Variants in EFHD1 observed in about 807,000 individuals in gnomAD.
EFHD1 encodes the protein EF-hand domain-containing protein D1.
A neutral mutation model predicts 17.2 loss-of-function variants in EFHD1; 10 were observed. The ratio of observed to expected loss-of-function variants is 0.58; its 90% CI spans 0.36 to 0.99. The LOEUF (loss-of-function observed/expected upper bound fraction) is 0.99. Among genes scored for constraint, EFHD1 ranks in the 50% least tolerant of loss-of-function variants. The probability of loss-of-function intolerance (pLI) is 0.01; values close to 1 mark genes in which losing one functional copy is unlikely to be tolerated. For synonymous variants in EFHD1, 153 were observed against 142.0 expected, an observed-to-expected ratio of 1.08 and a Z score of -0.55; for missense variants, 310 against 327.5, an observed-to-expected ratio of 0.95 and a Z score of 0.41.
rs551524376 is a variant in EFHD1, at chr2:232,676,524, C to T, written c.585+4081C>T. Among the ~76,000 whole-genome samples, 7 of 152,224 alleles carry T rather than the reference C, an allele frequency of 4.6e-5. No homozygotes were observed. The South Asian group carries it at 8.3e-4, about 18-fold the overall frequency. ...CAATTCTGAACCTGCCATTGGAAAACGCTGGAATATCATTATCTCAGCTGG... is the reference window on the plus strand; with the variant it reads ...CAATTCTGAACCTGCCATTGGAAAATGCTGGAATATCATTATCTCAGCTGG... On this transcript the variant is annotated intron_variant, in intron 3 of 3. Coordinates refer to ENST00000264059, the MANE Select transcript of EFHD1 (RefSeq NM_025202.4).
chr2:232,657,427 T>A (rs893206324), intron 1 of EFHD1, among the ~76,000 whole-genome samples: 18 of 152,242 alleles, frequency 1.2e-4, no homozygotes. Context: ...CATTGCTGAA[T>A]GAAATTCCAT....
At chr2:232,612,049 G>A (rs147818439) in intron 1 of EFHD1, 1 of 152,226 alleles carries the variant, frequency 6.6e-6, no homozygotes, top group East Asian at 1.9e-4. Context: ...TAGGAGTATT[G>A]TTATGTTGCC....
At chr2:232,626,914 G>T (rs2106189408) in intron 1 of EFHD1, among the ~76,000 whole-genome samples, 1 of 151,870 alleles carries the variant, frequency 6.6e-6, no homozygotes, top group Middle Eastern at 3.4e-3. Context: ...GGCCGAGCAT[G>T]ATGGCTCTTG....
chr2:232,652,893 T>G (rs1013420160), intron 1 of EFHD1, among the ~76,000 whole-genome samples: 1 of 152,144 alleles, frequency 6.6e-6, no homozygotes, highest in Non-Finnish European at 1.5e-5. Context: ...AAAGATAGGT[T>G]TCTGGTGTAT....
At chr2:232,660,311 C>T (rs1459678046) in intron 1 of EFHD1, among the ~76,000 whole-genome samples, 1 of 152,088 alleles carries the variant, frequency 6.6e-6, no homozygotes, top group Admixed American at 6.6e-5. Flanking sequence ...TCTCCTGCCT[C>T]AGCCTCCCAA....
intron 1 of EFHD1, among the ~76,000 whole-genome samples, chr2:232,639,069 A>C (rs1325056509): frequency 6.6e-6 from 1 of 152,142 alleles, no homozygotes; most frequent in Non-Finnish European, 1.5e-5. Context: ...GAGGAGCTGG[A>C]AGGAGCTTCC....
chr2:232,606,293 G>A (rs2106269259), intron 1 of EFHD1: 1 of 1,214,646 alleles, frequency 8.2e-7, no homozygotes, highest in East Asian at 2.5e-5. Context: ...GCCACCGGAG[G>A]GCACTCCCGG....
intron 1 of EFHD1, among the ~76,000 whole-genome samples, chr2:232,606,407 G>A (rs923233216): frequency 1.3e-5 from 2 of 152,156 alleles, no homozygotes; most frequent in African/African-American, 2.4e-5. Context: ...ACTCTTGAGA[G>A]ACACCCCAGC....
intron 1 of EFHD1, among the ~76,000 whole-genome samples, chr2:232,642,640 T>C (rs145483078): frequency 6.6e-6 from 1 of 152,270 alleles, no homozygotes; most frequent in Non-Finnish European, 1.5e-5. Context: ...AAAACTTATT[T>C]TTTGTTATCA....
intron 1 of EFHD1, among the ~76,000 whole-genome samples, chr2:232,655,808 T>TC (rs1371616542): frequency 0.015 from 738 of 49,218 alleles, 5 homozygotes; most frequent in African/African-American, 0.033. Context: ...GGGTCTTTTT[T>TC]TTTTTTTTTT....
chr2:232,608,738 G>GGCCAATATGGTGAAACCCC (rs1380988624), intron 1 of EFHD1, among the ~76,000 whole-genome samples: 1 of 152,064 alleles, frequency 6.6e-6, no homozygotes, highest in Non-Finnish European at 1.5e-5. Flanking sequence ...AGACCAGCCT[G>GGCCAATATGGTGAAACCCC]GCCAATATGG....
chr2:232,669,627 G>A (rs1227044317), intron 2 of EFHD1, among the ~76,000 whole-genome samples: 1 of 143,184 alleles, frequency 7.0e-6, no homozygotes, highest in African/African-American at 2.6e-5. Context: ...TTTAGACAGA[G>A]TCTTGCTCTG....
At chr2:232,659,281 T>A (rs1210538123) in intron 1 of EFHD1, among the ~76,000 whole-genome samples, 1 of 150,394 alleles carries the variant, frequency 6.6e-6, no homozygotes, top group Non-Finnish European at 1.5e-5. Context: ...ACTGTTAAAG[T>A]GAGGGCACTG....
chr2:232,606,481 G>A (rs999665655), intron 1 of EFHD1: 1 of 513,452 alleles, frequency 1.9e-6, no homozygotes, highest in Non-Finnish European at 3.6e-6. Flanking sequence ...AGTGAATGAG[G>A]AAGGTTTCTT....
At chr2:232,664,248 C>T (rs10933403) in intron 2 of EFHD1, among the ~76,000 whole-genome samples, 24,742 of 151,948 alleles carry the variant, frequency 0.16, 2,135 homozygotes, top group South Asian at 0.25. Flanking sequence ...AACCCATCCT[C>T]CCACTTCAGC....
intron 1 of EFHD1, 144 bp from the exon 2 acceptor site, chr2:232,662,658 C>A: frequency 1.9e-6 from 2 of 1,056,212 alleles, no homozygotes; most frequent in Non-Finnish European, 2.6e-6. Context: ...GAGAGGGGTT[C>A]CTCTGGAGCA....
chr2:232,646,832 C>T (rs1298137093), intron 1 of EFHD1, among the ~76,000 whole-genome samples: 1 of 152,252 alleles, frequency 6.6e-6, no homozygotes, highest in Non-Finnish European at 1.5e-5. Flanking sequence ...CTGAAAGTGG[C>T]TAACCTCTTC....
intron 1 of EFHD1, among the ~76,000 whole-genome samples, chr2:232,616,367 C>T (rs913389151): frequency 6.6e-6 from 1 of 151,986 alleles, no homozygotes; most frequent in African/African-American, 2.4e-5. Context: ...GGCACAATCT[C>T]GGCTCACGGC....
At chr2:232,630,609 A>G (rs968920200), upstream of EFHD1, among the ~76,000 whole-genome samples, 14 of 152,114 alleles carry the variant, frequency 9.2e-5, no homozygotes, top group Non-Finnish European at 2.9e-5. Flanking sequence ...AAACACTTCA[A>G]TGAAAAAGTG....
Sources: gnomAD v4.1 joint callset for allele counts (sites outside exome capture counted in the v4.1 genomes callset) on GRCh38, gnomAD v4.1.1 for gene constraint, MANE v1.5 for transcripts, NCBI Gene and HGNC (gene_info 2026-07-23, HGNC 2026-07-21) for gene names.